The following SIPA1L1 variants were observed in gnomAD, a reference collection of about 807,000 sequenced individuals.
The protein encoded by SIPA1L1 is signal-induced proliferation-associated 1-like protein 1.
A neutral mutation model predicts 162.7 loss-of-function variants in SIPA1L1; 26 were observed. The observed-to-expected ratio is 0.16, with a 90% CI of 0.12 to 0.22. The LOEUF is 0.22. SIPA1L1 is among the 10% of genes least tolerant of loss of function. The probability of loss-of-function intolerance (pLI) is 1.00; values close to 1 mark genes in which losing one functional copy is unlikely to be tolerated. For missense variants in SIPA1L1, 1,874 were observed against 2,241.0 expected, an observed-to-expected ratio of 0.84 and a Z score of 3.31; for synonymous variants, 829 against 837.4, an observed-to-expected ratio of 0.99 and a Z score of 0.17.
chr14:71,581,604 T>G (rs2033935762), intron 4 of SIPA1L1, among the ~76,000 whole-genome samples: 1 of 152,200 alleles, frequency 6.6e-6, no homozygotes, highest in Non-Finnish European at 1.5e-5. Flanking sequence ...AGTTGTTCAA[T>G]TTACAGTATT....
chr14:71,521,121 T>A (rs2052309584), intron 3 of SIPA1L1, among the ~76,000 whole-genome samples: 2 of 152,182 alleles, frequency 1.3e-5, no homozygotes, highest in African/African-American at 4.8e-5. Flanking sequence ...GGAATTGCAC[T>A]GCTATGAACA....
chr14:71,597,703 C>T (rs1256901075), intron 5 of SIPA1L1, among the ~76,000 whole-genome samples: 1 of 152,170 alleles, frequency 6.6e-6, no homozygotes, highest in Admixed American at 6.5e-5. Flanking sequence ...CTTCCCCTGC[C>T]TCAGGGTATA....
At chr14:71,590,735 C>T (rs2035278020) in intron 5 of SIPA1L1, among the ~76,000 whole-genome samples, 1 of 152,190 alleles carries the variant, frequency 6.6e-6, no homozygotes, top group South Asian at 2.1e-4. Flanking sequence ...TTAGAAATTA[C>T]ATCTCTGTTA....
At chr14:71,668,812 C>A (rs911805847) in intron 10 of SIPA1L1, among the ~76,000 whole-genome samples, 2 of 152,140 alleles carry the variant, frequency 1.3e-5, no homozygotes, top group African/African-American at 4.8e-5. Flanking sequence ...CACAGAATTG[C>A]CAACTAGGCT....
At chr14:71,573,047 G>A (rs906052187) in intron 4 of SIPA1L1, among the ~76,000 whole-genome samples, 6 of 152,266 alleles carry the variant, frequency 3.9e-5, no homozygotes, top group East Asian at 1.9e-4. Context: ...CAATATGAGC[G>A]TGTTATTTAG....
intron 2 of SIPA1L1, among the ~76,000 whole-genome samples, chr14:71,361,424 C>T (rs2037803964): frequency 6.6e-6 from 1 of 152,174 alleles, no homozygotes; most frequent in African/African-American, 2.4e-5. Context: ...CTAAAATTCA[C>T]ATTTACAAAT....
chr14:71,437,000 G>A (rs2044437799), intron 2 of SIPA1L1, among the ~76,000 whole-genome samples: 1 of 151,948 alleles, frequency 6.6e-6, no homozygotes, highest in Non-Finnish European at 1.5e-5. Flanking sequence ...TCTTGATCTC[G>A]TGATCTGCCT....
chr14:71,485,018 T>C (rs1177291545), intron 2 of SIPA1L1, among the ~76,000 whole-genome samples: 1 of 152,210 alleles, frequency 6.6e-6, no homozygotes, highest in Non-Finnish European at 1.5e-5. Context: ...CCCTGTGGAA[T>C]TACTAAGTTT....
chr14:71,509,100 C>G (rs2050906712), intron 2 of SIPA1L1, among the ~76,000 whole-genome samples: 1 of 152,184 alleles, frequency 6.6e-6, no homozygotes, highest in Non-Finnish European at 1.5e-5. Context: ...GGTCCGTCCT[C>G]TTACTTGTAA....
chr14:71,500,441 T>A (rs1334119114), intron 2 of SIPA1L1, among the ~76,000 whole-genome samples: 1 of 152,214 alleles, frequency 6.6e-6, no homozygotes, highest in Non-Finnish European at 1.5e-5. Flanking sequence ...GCCACAGTTG[T>A]ATTATTATAT....
chr14:71,666,675 G>A (rs2044032309), intron 10 of SIPA1L1, among the ~76,000 whole-genome samples: 1 of 152,102 alleles, frequency 6.6e-6, no homozygotes, highest in Non-Finnish European at 1.5e-5. Flanking sequence ...TAATTAAAAT[G>A]TAATAACTGT....
At chr14:71,392,405 A>G (rs947198450) in intron 2 of SIPA1L1, among the ~76,000 whole-genome samples, 1 of 152,214 alleles carries the variant, frequency 6.6e-6, no homozygotes, top group Non-Finnish European at 1.5e-5. Context: ...CTCCCTAAAC[A>G]TTCCTCTGAT....
intron 2 of SIPA1L1, among the ~76,000 whole-genome samples, chr14:71,478,585 C>T (rs1000869401): frequency 2.6e-5 from 4 of 152,050 alleles, no homozygotes; most frequent in African/African-American, 9.7e-5. Flanking sequence ...TCTAATTATT[C>T]CAGCACCTTT....
intron 4 of SIPA1L1, among the ~76,000 whole-genome samples, chr14:71,562,615 T>A (rs768882521): frequency 6.6e-6 from 1 of 152,202 alleles, no homozygotes; most frequent in Non-Finnish European, 1.5e-5. Flanking sequence ...CCAGAATTCG[T>A]TGGATAACCT....
chr14:71,430,101 A>T (rs938819443), intron 2 of SIPA1L1, among the ~76,000 whole-genome samples: 32 of 152,334 alleles, frequency 2.1e-4, no homozygotes, highest in African/African-American at 6.7e-4. Context: ...TATATTCAGC[A>T]TCACACCTAC....
chr14:71,462,278 A>G (rs972282482), intron 2 of SIPA1L1, among the ~76,000 whole-genome samples: 3 of 152,114 alleles, frequency 2.0e-5, no homozygotes, highest in African/African-American at 7.2e-5. Context: ...TCTGTGATTC[A>G]CCTATGGGGG....
chr14:71,538,162 C>T (rs1386911186), intron 4 of SIPA1L1, among the ~76,000 whole-genome samples: 1 of 152,146 alleles, frequency 6.6e-6, no homozygotes, highest in African/African-American at 2.4e-5. Flanking sequence ...AATCTTCTTC[C>T]CTACTGTTAT....
chr14:71,736,759 A>T (rs1382525859), intron 22 of SIPA1L1, among the ~76,000 whole-genome samples: 1 of 152,210 alleles, frequency 6.6e-6, no homozygotes, highest in Non-Finnish European at 1.5e-5. Context: ...GAGTGAGCCA[A>T]GACTGTTTTC....
chr14:71,619,185 A>G (rs1349281418), intron 6 of SIPA1L1, among the ~76,000 whole-genome samples: 2 of 152,114 alleles, frequency 1.3e-5, no homozygotes, highest in Non-Finnish European at 2.9e-5. Flanking sequence ...CCCCACTGGG[A>G]TATTGTGTAT....
Sources: allele counts gnomAD v4.1 joint callset (sites outside exome capture counted in the v4.1 genomes callset), GRCh38; gene constraint gnomAD v4.1.1; transcripts MANE v1.5; gene names NCBI Gene and HGNC (gene_info 2026-07-23, HGNC 2026-07-21).